PDE4D: variants seen among roughly 807,000 people sequenced by gnomAD.
PDE4D encodes 3',5'-cyclic-AMP phosphodiesterase 4D.
Under a neutral mutation model 87.4 loss-of-function variants are expected in PDE4D, and 24 were observed. The observed-to-expected ratio is 0.27, with a 90% confidence interval of 0.20 to 0.39. The LOEUF is 0.39. Ranked by LOEUF, PDE4D falls within the 10% of genes least tolerant of loss-of-function variation. The pLI is 1.00. For synonymous variants in PDE4D, 384 were observed against 383.2 expected, an observed-to-expected ratio of 1.00 and a Z score of -0.02; for missense variants, 714 against 1,041.0, an observed-to-expected ratio of 0.69 and a Z score of 4.32.
intron 3 of PDE4D, among the ~76,000 whole-genome samples, chr5:59,933,793 A>ATAT (rs1343398649): frequency 2.0e-4 from 7 of 35,606 alleles, no homozygotes; most frequent in African/African-American, 9.4e-4. Flanking sequence ...TATATATATT[A>ATAT]ATAAGCATTC....
chr5:60,352,628 T>G (rs1759299833), intron 1 of PDE4D, among the ~76,000 whole-genome samples: 1 of 152,232 alleles, frequency 6.6e-6, no homozygotes, highest in Non-Finnish European at 1.5e-5. Context: ...GACAGGACCC[T>G]GAAGGCAAAA....
rs145226962 is a variant in PDE4D, at chr5:59,044,506, G to A, written c.809-5535C>T. ...GAAAAAATGATTTCTGTTTCACCGT[G>A]TATTGCTTTGAGCTAGTCATTCCTT... On this transcript the variant is annotated intron_variant, in intron 5 of 14. Transcript: ENST00000340635. Among the ~76,000 whole-genome samples the A allele has an allele frequency of 1.9e-3, 286 of 152,304 alleles. 3 individuals carry two copies. Among genetic ancestry groups the A allele is most frequent in the African/African-American group, 6.2e-3 (256 of 41,560 alleles).
At chr5:59,108,891 A>C (rs1477929789) in intron 5 of PDE4D, among the ~76,000 whole-genome samples, 1 of 137,690 alleles carries the variant, frequency 7.3e-6, no homozygotes, top group African/African-American at 2.8e-5. Context: ...TGGGTGACAG[A>C]GTGAGATTCC....
chr5:60,196,312 C>T (rs570593381), intron 1 of PDE4D, among the ~76,000 whole-genome samples: 1 of 151,794 alleles, frequency 6.6e-6, no homozygotes, highest in East Asian at 1.9e-4. Context: ...AATTTCAGCT[C>T]TCTAAAACAC....
At chr5:60,120,090 T>C (rs968365743) in intron 2 of PDE4D, among the ~76,000 whole-genome samples, 1 of 152,224 alleles carries the variant, frequency 6.6e-6, no homozygotes, top group Non-Finnish European at 1.5e-5. Flanking sequence ...CATCTTCTTA[T>C]GGAAAAAAGC....
chr5:60,440,103 T>C (rs1745084090), intron 1 of PDE4D, among the ~76,000 whole-genome samples: 1 of 152,050 alleles, frequency 6.6e-6, no homozygotes, highest in African/African-American at 2.4e-5. Context: ...TTCAGAGTCT[T>C]TGCGAGGTAA....
chr5:60,371,106 G>T (rs1480313546), intron 1 of PDE4D, among the ~76,000 whole-genome samples: 1 of 152,136 alleles, frequency 6.6e-6, no homozygotes, highest in Middle Eastern at 3.2e-3. Context: ...TTCTAGTGCT[G>T]AACTAACAGG....
chr5:60,290,683 T>C (rs1345903641), intron 1 of PDE4D, among the ~76,000 whole-genome samples: 1 of 152,058 alleles, frequency 6.6e-6, no homozygotes, highest in Non-Finnish European at 1.5e-5. Context: ...CGCACACCTG[T>C]GGTCCCAGCT....
chr5:60,121,198 T>G (rs919277831), intron 2 of PDE4D, among the ~76,000 whole-genome samples: 4 of 150,520 alleles, frequency 2.7e-5, no homozygotes, highest in African/African-American at 4.9e-5. Context: ...ATATAGGAGA[T>G]ATATATATAT....
At position 60,153,255 on chromosome 5, in the gene PDE4D, G is replaced by T. The variant is rs560765033; in HGVS notation, c.42+32302C>A. 5.3e-5 allele frequency among the ~76,000 whole-genome samples: 8 copies of T among 152,228 alleles called. No homozygotes were observed. The South Asian group carries it at 8.3e-4, about 16-fold the overall frequency. On this transcript the variant is annotated intron_variant, in intron 2 of 16. Transcript: ENST00000502484. ...TTTCTCAAAAGAAGACATGCAAATGGCTAACATGTAGATAAAAAATGTTCA... is the reference window on the plus strand; with the variant it reads ...TTTCTCAAAAGAAGACATGCAAATGTCTAACATGTAGATAAAAAATGTTCA...
At chr5:59,221,067 G>A (rs958522430) in intron 1 of PDE4D, among the ~76,000 whole-genome samples, 1 of 151,996 alleles carries the variant, frequency 6.6e-6, no homozygotes, top group African/African-American at 2.4e-5. Context: ...TTTGAAGTAG[G>A]CACTGTATTT....
At chr5:59,014,681 G>A (rs1016861121) in intron 6 of PDE4D, among the ~76,000 whole-genome samples, 7 of 152,258 alleles carry the variant, frequency 4.6e-5, no homozygotes, top group Non-Finnish European at 7.4e-5. Context: ...TCAATATCAT[G>A]AAAATGGCCA....
intron 2 of PDE4D, among the ~76,000 whole-genome samples, chr5:60,045,748 C>T (rs1033921101): frequency 5.9e-5 from 9 of 152,196 alleles, no homozygotes; most frequent in Admixed American, 3.9e-4. Flanking sequence ...CAGTACCATG[C>T]TGTTTTCATT....
intron 2 of PDE4D, among the ~76,000 whole-genome samples, chr5:60,095,860 T>A (rs550608019): frequency 5.8e-4 from 89 of 152,286 alleles, no homozygotes; most frequent in African/African-American, 1.8e-3. Context: ...GAGCTTTTTT[T>A]TATATATTTT....
chr5:59,450,687 G>A lies in PDE4D; in HGVS notation c.456-234719C>T, dbSNP rs1799014148. 1.3e-5 allele frequency among the ~76,000 whole-genome samples: 2 copies of A among 152,072 alleles called. 1 individual carries two copies. The highest frequency in any genetic ancestry group is 4.8e-5 in the African/African-American group (2 of 41,404). ...ACAGCAGATGATATTCCTACTCAAA[G>A]AGAAAATAGTAACCATCAAAAAGGA... On this transcript the variant is annotated intron_variant, in intron 1 of 14. Transcript: ENST00000340635.
chr5:59,024,499 T>C (rs1261235071), intron 6 of PDE4D, among the ~76,000 whole-genome samples: 5 of 152,176 alleles, frequency 3.3e-5, no homozygotes. Flanking sequence ...GCCCGGCTGC[T>C]GAAATTCTAC....
intron 1 of PDE4D, among the ~76,000 whole-genome samples, chr5:60,210,724 G>T (rs1369335823): frequency 6.6e-6 from 1 of 150,846 alleles, no homozygotes; most frequent in Non-Finnish European, 1.5e-5. Context: ...AAATACTCAT[G>T]GCACGGTATT....
chr5:59,172,243 T>G (rs1195902173), intron 5 of PDE4D, among the ~76,000 whole-genome samples: 1 of 121,268 alleles, frequency 8.2e-6, no homozygotes, highest in Non-Finnish European at 1.6e-5. Flanking sequence ...AATATGTATA[T>G]AATATATAAT....
At chr5:59,970,968 C>G (rs1024603188) in intron 3 of PDE4D, among the ~76,000 whole-genome samples, 56 of 150,894 alleles carry the variant, frequency 3.7e-4, no homozygotes, top group African/African-American at 7.1e-4. Context: ...AAATGTCCAA[C>G]AATGATAGAC....
Sources: gnomAD v4.1 joint callset for allele counts (sites outside exome capture counted in the v4.1 genomes callset) on GRCh38, gnomAD v4.1.1 for gene constraint, MANE v1.5 for transcripts, NCBI Gene and HGNC (gene_info 2026-07-23, HGNC 2026-07-21) for gene names.